Variants in ASCC2 observed in about 807,000 individuals in gnomAD.
ASCC2 encodes activating signal cointegrator 1 complex subunit 2.
In ASCC2, 42 loss-of-function variants were observed where a neutral mutation model predicts 93.5. The ratio of observed to expected loss-of-function variants is 0.45; its 90% confidence interval spans 0.35 to 0.58. The LOEUF is 0.58. Ranked by LOEUF, ASCC2 falls within the 20% of genes least tolerant of loss-of-function variation. The pLI is 0.00. For synonymous variants in ASCC2, 364 were observed against 384.2 expected, an observed-to-expected ratio of 0.95 and a Z score of 0.62; for missense variants, 859 against 977.6, an observed-to-expected ratio of 0.88 and a Z score of 1.62.
chr22:29,824,104 C>T (rs2061963043), intron 4 of ASCC2, among the ~76,000 whole-genome samples: 1 of 151,694 alleles, frequency 6.6e-6, no homozygotes. Flanking sequence ...CTGGAGGATT[C>T]CTTGAGCTCA....
At position 29,821,990 on chromosome 22, in the gene ASCC2, CTT is replaced by C. The variant is rs1250667215; in HGVS notation, c.541+343_541+344del. 9.1e-6 allele frequency: 4 copies of C among 440,780 alleles called. No homozygotes were observed. The Admixed American group carries it at 1.0e-4, about 11-fold the overall frequency. The allele number at this position is 440,780 out of a possible 1,614,324, so 27.3% of individuals were successfully genotyped here. A position where few individuals can be genotyped will look rare whatever the true frequency, so the allele number is the denominator to read the frequency against. ...CTCTTGCCTGAGTGACAGAGCAAGG[CTT>C]TGTCTTTTTTCTTTTTTTTTGAGAT... On this transcript the variant is annotated intron_variant, in intron 5 of 19. Coordinates refer to ENST00000307790, the MANE Select transcript of ASCC2 (RefSeq NM_032204.5).
At chr22:29,827,924 ACAC>A (rs968548205) in intron 2 of ASCC2, among the ~76,000 whole-genome samples, 2 of 140,164 alleles carry the variant, frequency 1.4e-5, no homozygotes, top group Non-Finnish European at 3.1e-5. Flanking sequence ...ACACACACAC[ACAC>A]ACCAGGCTAC....
At chr22:29,837,666 C>G (rs2064004436) in intron 1 of ASCC2, among the ~76,000 whole-genome samples, 1 of 152,214 alleles carries the variant, frequency 6.6e-6, no homozygotes, top group Non-Finnish European at 1.5e-5. Flanking sequence ...CCTCTAGTCT[C>G]TCAATTAAAT....
intron 1 of ASCC2, among the ~76,000 whole-genome samples, chr22:29,833,880 T>TTTTTC (rs1555884086): frequency 6.2e-5 from 3 of 48,114 alleles, no homozygotes; most frequent in African/African-American, 1.4e-4. Context: ...TTTCTTTTTC[T>TTTTTC]TTTTTTTTTT....
intron 8 of ASCC2, among the ~76,000 whole-genome samples, chr22:29,808,763 G>A (rs1023066576): frequency 2.7e-5 from 4 of 146,580 alleles, no homozygotes; most frequent in African/African-American, 1.0e-4. Context: ...AGTGAGCCAT[G>A]ATCACACCAC....
chr22:29,813,016 G>A (rs2060453512), intron 8 of ASCC2, among the ~76,000 whole-genome samples: 1 of 152,010 alleles, frequency 6.6e-6, no homozygotes, highest in South Asian at 2.1e-4. Flanking sequence ...TCAGTAGCTG[G>A]GAATACAGGT....
At chr22:29,818,835 GC>G (rs1486124416) in intron 5 of ASCC2, among the ~76,000 whole-genome samples, 1 of 151,952 alleles carries the variant, frequency 6.6e-6, no homozygotes, top group Non-Finnish European at 1.5e-5. Context: ...CTCCCAAAGG[GC>G]CTTTTTCCTG....
chr22:29,820,843 T>C (rs1277860422), intron 5 of ASCC2, among the ~76,000 whole-genome samples: 1 of 144,898 alleles, frequency 6.9e-6, no homozygotes, highest in African/African-American at 2.6e-5. Flanking sequence ...GAGGCGGAGG[T>C]TGCGGTGGGC....
chr22:29,828,765 T>C (rs529136095), intron 2 of ASCC2, among the ~76,000 whole-genome samples: 2 of 152,202 alleles, frequency 1.3e-5, no homozygotes, highest in Non-Finnish European at 2.9e-5. Context: ...AAGGCATGGA[T>C]TGCAGAGAGG....
intron 5 of ASCC2, chr22:29,816,812 A>AGAGGGAGAGAGG (rs1556280777): frequency 2.3e-5 from 3 of 128,052 alleles, no homozygotes; most frequent in African/African-American, 8.7e-5. Flanking sequence ...AGAGAGGGAG[A>AGAGGGAGAGAGG]GAGGGAGGGA....
At chr22:29,801,165 T>C in intron 14 of ASCC2, 55 bp from the exon 15 acceptor site, 3 of 1,549,946 alleles carry the variant, frequency 1.9e-6, no homozygotes, top group Non-Finnish European at 2.6e-6. Flanking sequence ...TGATGCAATC[T>C]GCACCCCACT....
At chr22:29,824,368 A>T (rs1371793254) in intron 4 of ASCC2, among the ~76,000 whole-genome samples, 1 of 151,960 alleles carries the variant, frequency 6.6e-6, no homozygotes, top group Non-Finnish European at 1.5e-5. Flanking sequence ...TAATTCCAGC[A>T]CTTTGGGAGC....
chr22:29,827,598 A>T, intron 2 of ASCC2: 1 of 470,956 alleles, frequency 2.1e-6, no homozygotes, highest in Non-Finnish European at 4.4e-6. Flanking sequence ...TACAGGTACA[A>T]ATCTGTTGAA....
At chr22:29,821,994 G>GT in intron 5 of ASCC2, 2 of 436,342 alleles carry the variant, frequency 4.6e-6, no homozygotes, top group Non-Finnish European at 9.1e-6. Context: ...GCAAGGCTTT[G>GT]TCTTTTTTCT....
At chr22:29,812,968 G>A (rs2060448204) in intron 8 of ASCC2, among the ~76,000 whole-genome samples, 1 of 151,288 alleles carries the variant, frequency 6.6e-6, no homozygotes, top group Non-Finnish European at 1.5e-5. Context: ...TGCAACCTCC[G>A]CCACCTGGGT....
chr22:29,795,356 C>A (rs1329215924), intron 15 of ASCC2, among the ~76,000 whole-genome samples: 3 of 152,064 alleles, frequency 2.0e-5, no homozygotes, highest in African/African-American at 7.2e-5. Flanking sequence ...GCTACTGTGC[C>A]CAGCCTGGAT....
chr22:29,832,398 G>T, intron 1 of ASCC2, 56 bp from the exon 2 acceptor site: 1 of 1,361,898 alleles, frequency 7.3e-7, no homozygotes, highest in Non-Finnish European at 1.0e-6. Flanking sequence ...CTGGGGGCAG[G>T]GCCTGCTCTG....
intron 5 of ASCC2, among the ~76,000 whole-genome samples, chr22:29,820,482 T>C (rs2061422069): frequency 1.3e-5 from 2 of 151,974 alleles, no homozygotes; most frequent in African/African-American, 2.4e-5. Flanking sequence ...ATATACATTA[T>C]GATCAAGTAT....
intron 1 of ASCC2, among the ~76,000 whole-genome samples, chr22:29,836,199 A>C (rs1192616864): frequency 6.6e-6 from 1 of 151,996 alleles, no homozygotes; most frequent in Non-Finnish European, 1.5e-5. Context: ...ATTTGGTGTT[A>C]CTGAAAACAC....
Sources: allele counts gnomAD v4.1 joint callset (sites outside exome capture counted in the v4.1 genomes callset), GRCh38; gene constraint gnomAD v4.1.1; transcripts MANE v1.5; gene names NCBI Gene and HGNC (gene_info 2026-07-23, HGNC 2026-07-21).